Variants in ROBO2 observed in about 807,000 individuals in gnomAD.
The protein encoded by ROBO2 is roundabout guidance receptor 2, also known as roundabout homolog 2.
In ROBO2, 53 loss-of-function variants were observed where a neutral mutation model predicts 160.8. The observed-to-expected ratio is 0.33, with a 90% CI of 0.26 to 0.41. The LOEUF (loss-of-function observed/expected upper bound fraction) is 0.41, where lower values mean the gene tolerates loss of function less well. Among genes scored for constraint, ROBO2 ranks in the 10% least tolerant of loss-of-function variants. ROBO2 has a pLI of 1.00. For synonymous variants in ROBO2, 664 were observed against 611.7 expected, an observed-to-expected ratio of 1.09 and a Z score of -1.26; for missense variants, 1,577 against 1,722.4, an observed-to-expected ratio of 0.92 and a Z score of 1.49.
intron 1 of ROBO2, among the ~76,000 whole-genome samples, chr3:77,057,569 A>ATTTTTTTT (rs71104648): frequency 2.8e-4 from 29 of 105,246 alleles, no homozygotes; most frequent in Non-Finnish European, 4.1e-4. Context: ...ATTCCAGAGG[A>ATTTTTTTT]TTTTTTTTTT....
chr3:77,339,214 A>G (rs530080001), intron 2 of ROBO2, among the ~76,000 whole-genome samples: 47 of 152,194 alleles, frequency 3.1e-4, no homozygotes, highest in African/African-American at 1.1e-3. Context: ...TATATTCCGT[A>G]TGGTTGAAGT....
intron 2 of ROBO2, among the ~76,000 whole-genome samples, chr3:76,148,665 C>T (rs560738059): frequency 6.6e-6 from 1 of 152,066 alleles, no homozygotes; most frequent in South Asian, 2.1e-4. Context: ...TGTATTTGAA[C>T]TTGCTGCCTT....
At chr3:76,914,923 T>C (rs1357200906) in intron 2 of ROBO2, among the ~76,000 whole-genome samples, 1 of 152,168 alleles carries the variant, frequency 6.6e-6, no homozygotes, top group South Asian at 2.1e-4. Flanking sequence ...TTTGTATATA[T>C]TGTGTTTTAC....
chr3:77,403,197 G>T (rs1470921680), intron 2 of ROBO2, among the ~76,000 whole-genome samples: 1 of 152,158 alleles, frequency 6.6e-6, no homozygotes, highest in African/African-American at 2.4e-5. Context: ...CATGTGCATT[G>T]TCTCACATAT....
chr3:77,291,089 G>A (rs2061167720), intron 2 of ROBO2, among the ~76,000 whole-genome samples: 1 of 150,784 alleles, frequency 6.6e-6, no homozygotes, highest in Non-Finnish European at 1.5e-5. Flanking sequence ...AAGTAAAATT[G>A]ACGGGTAAAC....
intron 1 of ROBO2, among the ~76,000 whole-genome samples, chr3:77,068,030 C>T (rs561656407): frequency 6.6e-6 from 1 of 151,884 alleles, no homozygotes; most frequent in Admixed American, 6.6e-5. Flanking sequence ...GTTATTATTA[C>T]TTTATTTATT....
chr3:76,501,758 G>A (rs1577685002), intron 2 of ROBO2, among the ~76,000 whole-genome samples: 1 of 152,100 alleles, frequency 6.6e-6, no homozygotes, highest in Non-Finnish European at 1.5e-5. Context: ...TTAAATATAG[G>A]GATATCATTT....
intron 2 of ROBO2, among the ~76,000 whole-genome samples, chr3:76,451,629 C>G (rs1334976287): frequency 6.6e-6 from 1 of 152,094 alleles, no homozygotes; most frequent in Non-Finnish European, 1.5e-5. Flanking sequence ...ATTTATATTT[C>G]CATTAAGCAC....
At chr3:76,735,444 A>T (rs2093693239) in intron 2 of ROBO2, among the ~76,000 whole-genome samples, 1 of 152,066 alleles carries the variant, frequency 6.6e-6, no homozygotes, top group Non-Finnish European at 1.5e-5. Context: ...TTAGAGGGGG[A>T]GGAAGGCAGC....
intron 2 of ROBO2, among the ~76,000 whole-genome samples, chr3:76,287,121 A>C (rs1708541085): frequency 6.6e-6 from 1 of 152,074 alleles, no homozygotes; most frequent in Non-Finnish European, 1.5e-5. Flanking sequence ...GCCATCAACT[A>C]ATCTATCCTG....
intron 2 of ROBO2, among the ~76,000 whole-genome samples, chr3:76,656,434 C>T (rs2091527312): frequency 6.6e-6 from 1 of 152,046 alleles, no homozygotes; most frequent in Non-Finnish European, 1.5e-5. Flanking sequence ...CACTATTAAT[C>T]TTTTCTCTCA....
chr3:76,459,511 G>C (rs910732175), intron 2 of ROBO2, among the ~76,000 whole-genome samples: 2 of 151,918 alleles, frequency 1.3e-5, no homozygotes, highest in African/African-American at 4.8e-5. Context: ...TTTTTCTTTA[G>C]GCATTATAGT....
intron 13 of ROBO2, among the ~76,000 whole-genome samples, chr3:77,574,239 G>A (rs2093706754): frequency 6.6e-6 from 1 of 151,958 alleles, no homozygotes; most frequent in African/African-American, 2.4e-5. Context: ...AATTAATTAG[G>A]TTGGTATCTT....
intron 6 of ROBO2, among the ~76,000 whole-genome samples, chr3:77,531,214 A>G (rs975721660): frequency 3.3e-5 from 5 of 152,100 alleles, no homozygotes; most frequent in African/African-American, 1.2e-4. Flanking sequence ...TCACAACTTG[A>G]TGGAAACTTC....
At chr3:76,792,716 A>G (rs2063443366) in intron 2 of ROBO2, among the ~76,000 whole-genome samples, 1 of 151,656 alleles carries the variant, frequency 6.6e-6, no homozygotes, top group Non-Finnish European at 1.5e-5. Flanking sequence ...CTTAAAGACA[A>G]AAAGCAAAAA....
At chr3:77,097,016 T>G (rs1395818584) in intron 1 of ROBO2, among the ~76,000 whole-genome samples, 1 of 152,220 alleles carries the variant, frequency 6.6e-6, no homozygotes, top group East Asian at 1.9e-4. Flanking sequence ...TAATACAGAC[T>G]ACAAGTATCT....
chr3:77,632,416 A>C, intron 23 of ROBO2: 1 of 1,321,120 alleles, frequency 7.6e-7, no homozygotes, highest in Non-Finnish European at 1.0e-6. Flanking sequence ...TATAGTGTGT[A>C]CAAGCAGATG....
chr3:76,663,960 T>A (rs2091925199), intron 2 of ROBO2, among the ~76,000 whole-genome samples: 2 of 150,852 alleles, frequency 1.3e-5, no homozygotes, highest in South Asian at 2.1e-4. Context: ...CTGACAATTG[T>A]TGATGGGATA....
At chr3:76,090,846 G>A (rs1576816813) in intron 2 of ROBO2, among the ~76,000 whole-genome samples, 1 of 152,266 alleles carries the variant, frequency 6.6e-6, no homozygotes, top group East Asian at 1.9e-4. Context: ...ATACAGTGGA[G>A]CAAATACAGT....
Sources: allele counts gnomAD v4.1 joint callset (sites outside exome capture counted in the v4.1 genomes callset), GRCh38; gene constraint gnomAD v4.1.1; transcripts MANE v1.5; gene names NCBI Gene and HGNC (gene_info 2026-07-23, HGNC 2026-07-21).